PHC3: variants seen among roughly 807,000 people sequenced by gnomAD.
PHC3 encodes the protein polyhomeotic-like protein 3.
A neutral mutation model predicts 107.4 loss-of-function variants in PHC3; 13 were observed. The observed-to-expected ratio is 0.12, with a 90% CI of 0.08 to 0.19. The LOEUF is 0.19. Among genes scored for constraint, PHC3 ranks in the 10% least tolerant of loss-of-function variants. The pLI is 1.00. For missense variants in PHC3, 992 were observed against 1,210.9 expected, an observed-to-expected ratio of 0.82 and a Z score of 2.68; for synonymous variants, 456 against 427.4, an observed-to-expected ratio of 1.07 and a Z score of -0.83.
chr3:170,118,281 T>C (rs904078433), intron 9 of PHC3, among the ~76,000 whole-genome samples: 2 of 152,188 alleles, frequency 1.3e-5, no homozygotes, highest in African/African-American at 2.4e-5. Context: ...ACCAGGTACA[T>C]GTCGCCCAAG....
chr3:170,098,656 A>G (rs1315861786), intron 14 of PHC3, among the ~76,000 whole-genome samples: 2 of 152,192 alleles, frequency 1.3e-5, no homozygotes, highest in African/African-American at 2.4e-5. Context: ...CTGTAAGAGT[A>G]ATACAAACAT....
rs1378883316 is a variant in PHC3, at chr3:170,090,891, ATTAT to A, written c.*6335_*6338del. 1 of 152,204 alleles carries A rather than the reference ATTAT, an allele frequency of 6.6e-6. No individual in the cohort carries two copies. The highest frequency in any genetic ancestry group is 2.4e-5 in the African/African-American group (1 of 41,450). 9.4% of individuals were successfully genotyped at this position (152,204 alleles called of 1,614,324 possible). A position where few individuals can be genotyped will look rare whatever the true frequency, so the allele number is the denominator to read the frequency against. On this transcript the variant is annotated 3_prime_UTR_variant, in exon 15 of 15. Transcript: ENST00000495893. The stretch of plus-strand genomic sequence containing the variant: ...AATTCATTATTTACTACTGAAATAG[ATTAT>A]TTACTGATTATTTAATACTACCCAA...
At chr3:170,158,187 A>C (rs939589595) in intron 4 of PHC3, among the ~76,000 whole-genome samples, 5 of 152,150 alleles carry the variant, frequency 3.3e-5, no homozygotes, top group African/African-American at 1.2e-4. Context: ...TCATGAAAGA[A>C]AAAAAATGAA....
At chr3:170,099,579 G>C (rs1251374081) in intron 14 of PHC3, among the ~76,000 whole-genome samples, 5 of 152,176 alleles carry the variant, frequency 3.3e-5, no homozygotes, top group Non-Finnish European at 7.3e-5. Context: ...CAGCCAGTCA[G>C]CTGAGCTAGC....
chr3:170,129,098 A>T lies in PHC3; in HGVS notation c.1374T>A (p.Ala458=). ...GGGATGGAAGATTCAACTGTGCTGTAGCTTGCACCTGATTAGCAGTGGACT... is the reference window on the plus strand; with the variant it reads ...GGGATGGAAGATTCAACTGTGCTGTTGCTTGCACCTGATTAGCAGTGGACT... ...LQQSTANQVQ[A]TAQLNLPSHL... Residue 458 remains alanine (A), a synonymous_variant, in exon 8 of 15, where the codon GCT becomes GCA. Coordinates refer to ENST00000495893, the MANE Select transcript of PHC3 (RefSeq NM_024947.4). 1.2e-6 allele frequency: 2 copies of T among 1,612,668 alleles called. No homozygotes were observed. Among genetic ancestry groups the T allele is most frequent in the East Asian group, 2.2e-5 (1 of 44,812 alleles).
In PHC3 at chr3:170,122,744, C is replaced by T; in HGVS notation, c.1789G>A (p.Val597Ile). 6.2e-7 allele frequency: 1 copy of T among 1,613,712 alleles called. No homozygotes were observed. Among genetic ancestry groups the T allele is most frequent in the Non-Finnish European group, 8.5e-7 (1 of 1,179,766 alleles). The part of the protein sequence containing the change: ...QPPAPVDPPV[V>I]YQVEDVCEEE... ...TCACACACATCTTCTACCTGATAAA[C>T]CTGCAATGACAAACCATACTGCCTT... The change falls in exon 9 of 15, where the codon GTT becomes ATT. Residue 597 changes from valine to isoleucine, a missense_variant and splice_region_variant. Physicochemically the swap from Val to Ile is conservative, Grantham distance 29. Coordinates refer to ENST00000495893, the MANE Select transcript of PHC3 (RefSeq NM_024947.4).
intron 1 of PHC3, among the ~76,000 whole-genome samples, chr3:170,180,439 G>C (rs1174576078): frequency 1.3e-5 from 2 of 152,046 alleles, no homozygotes; most frequent in African/African-American, 4.8e-5. Context: ...ATAAGAGTGA[G>C]AGACGCTGTC....
rs199582784 is a variant in PHC3 at position 170,180,564 on chromosome 3, GTTT to G, written c.14+1135_14+1137del. On this transcript the variant is annotated intron_variant, in intron 1 of 14. Transcript: ENST00000495893. Reference sequence around the variant, plus strand: ...ATAATTCATACATTTTTATGCTTCTGTTTTTTTTTTTTTTTTCCAAACTGCCTT... The same window carrying G: ...ATAATTCATACATTTTTATGCTTCTGTTTTTTTTTTTTTCCAAACTGCCTT... Among the ~76,000 whole-genome samples, 6 of 138,874 alleles carry G rather than the reference GTTT, an allele frequency of 4.3e-5. No individual in the cohort carries two copies. In the South Asian group the frequency reaches 6.8e-4, roughly 16 times the overall value. The allele number at this position is 138,874 out of a possible 152,430, so 91.1% of individuals were successfully genotyped here. A position where few individuals can be genotyped will look rare whatever the true frequency, so the allele number is the denominator to read the frequency against.
At chr3:170,137,517 G>GA (rs1178887244) in intron 6 of PHC3, among the ~76,000 whole-genome samples, 1 of 152,160 alleles carries the variant, frequency 6.6e-6, no homozygotes, top group Admixed American at 6.6e-5. Flanking sequence ...CCCTGGGAGA[G>GA]AAACTGAAAT....
In PHC3 at chr3:170,142,236, T is replaced by C. The variant is rs1176319922; in HGVS notation, c.672+3187A>G. On this transcript the variant is annotated intron_variant, in intron 6 of 14. Transcript: ENST00000495893. ...ATCCTCATAGCAACCTTTTGAAATA[T>C]ATTATAAATGTTATTTTATTTTATA... Among the ~76,000 whole-genome samples, 4 of 152,322 alleles carry C rather than the reference T, an allele frequency of 2.6e-5. No individual in the cohort carries two copies. The South Asian group carries it at 6.2e-4, about 24-fold the overall frequency.
At chr3:170,123,942 G>A (rs1183608848) in intron 8 of PHC3, among the ~76,000 whole-genome samples, 1 of 151,698 alleles carries the variant, frequency 6.6e-6, no homozygotes, top group African/African-American at 2.4e-5. Context: ...TGCCTCCTGG[G>A]TTCAAGCGAT....
At chr3:170,166,611 C>T (rs1446896117) in intron 4 of PHC3, among the ~76,000 whole-genome samples, 1 of 152,092 alleles carries the variant, frequency 6.6e-6, no homozygotes, top group Non-Finnish European at 1.5e-5. Context: ...TTATCTAGGT[C>T]ATTTTTAATT....
chr3:170,141,228 A>G (rs1268482775), intron 6 of PHC3, among the ~76,000 whole-genome samples: 1 of 152,244 alleles, frequency 6.6e-6, no homozygotes, highest in African/African-American at 2.4e-5. Flanking sequence ...GACGAAAGTT[A>G]TCACTGGAAT....
chr3:170,156,071 T>A lies in PHC3; in HGVS notation c.415-6827A>T, dbSNP rs545662471. ...CCTCATTATTTAGTGGGAACTGCTATGTGGTATTTCAAGTATCAGTAGAGT... is the reference window on the plus strand; with the variant it reads ...CCTCATTATTTAGTGGGAACTGCTAAGTGGTATTTCAAGTATCAGTAGAGT... On this transcript the variant is annotated intron_variant, in intron 4 of 14. Transcript: ENST00000495893. 2.0e-5 allele frequency among the ~76,000 whole-genome samples: 3 copies of A among 152,296 alleles called. No homozygotes were observed. In the South Asian group the frequency reaches 6.2e-4, roughly 32 times the overall value.
intron 14 of PHC3, among the ~76,000 whole-genome samples, chr3:170,100,323 G>A (rs1006723966): frequency 3.3e-5 from 5 of 152,086 alleles, no homozygotes; most frequent in Non-Finnish European, 7.4e-5. Flanking sequence ...AGCTCAAAAC[G>A]AAATTTACAA....
At chr3:170,148,896 A>G (rs1018921953) in intron 5 of PHC3, 190 bp downstream of exon 5, 2 of 520,476 alleles carry the variant, frequency 3.8e-6, no homozygotes, top group Middle Eastern at 1.1e-3. Flanking sequence ...TGATACCAAG[A>G]AGACCTATTA....
chr3:170,158,626 G>GA lies in PHC3; in HGVS notation c.415-9383dup, dbSNP rs200803020. Among the ~76,000 whole-genome samples, 614 of 143,068 alleles carry GA rather than the reference G, an allele frequency of 4.3e-3. 18 individuals carry two copies. The East Asian group carries it at 0.1, about 23-fold the overall frequency. 93.9% of individuals were successfully genotyped at this position (143,068 alleles called of 152,430 possible). On this transcript the variant is annotated intron_variant, in intron 4 of 14. Coordinates refer to ENST00000495893, the MANE Select transcript of PHC3 (RefSeq NM_024947.4). ...TCAAAAAAGAAAAATTTCAAAAAAAGAAAAAAAAAAACCTGATAGGCCAGG... is the reference window on the plus strand; with the variant it reads ...TCAAAAAAGAAAAATTTCAAAAAAAGAAAAAAAAAAAACCTGATAGGCCAGG...
chr3:170,142,352 T>C (rs1724248363), intron 6 of PHC3, among the ~76,000 whole-genome samples: 1 of 152,158 alleles, frequency 6.6e-6, no homozygotes, highest in African/African-American at 2.4e-5. Flanking sequence ...CCAAAGTCCG[T>C]ATTATAAACA....
chr3:170,115,904 C>CACACACAT (rs57178518), intron 10 of PHC3, among the ~76,000 whole-genome samples: 6 of 151,386 alleles, frequency 4.0e-5, no homozygotes, highest in East Asian at 1.9e-4. Flanking sequence ...CACACACACA[C>CACACACAT]GAAATTGAAC....
Sources: gnomAD v4.1 joint callset for allele counts (sites outside exome capture counted in the v4.1 genomes callset) on GRCh38, gnomAD v4.1.1 for gene constraint, MANE v1.5 for transcripts, NCBI Gene and HGNC (gene_info 2026-07-23, HGNC 2026-07-21) for gene names.